Variants in DIAPH2 observed in about 807,000 individuals in gnomAD.
The protein encoded by DIAPH2 is diaphanous related formin 2.
Under a neutral mutation model 92.7 loss-of-function variants are expected in DIAPH2, and 35 were observed. That is an observed-to-expected ratio of 0.38 (90% CI 0.29 to 0.50). DIAPH2 has a LOEUF of 0.50. Ranked by LOEUF, DIAPH2 falls within the 20% of genes least tolerant of loss-of-function variation. DIAPH2 has a pLI of 0.94. For missense variants in DIAPH2, 701 were observed against 819.5 expected (o/e 0.86, Z 1.77); for synonymous variants, 301 against 280.4 (o/e 1.07, Z -0.73).
chrX:96,708,665 T>C (rs2063900888), intron 1 of DIAPH2, among the ~76,000 whole-genome samples: 2 of 112,695 alleles, frequency 1.8e-5, no homozygotes, highest in Admixed American at 1.9e-4. Context: ...ATGTACTTTA[T>C]TGTGATTTAA....
At chrX:97,236,575 C>T (rs187415031) in intron 22 of DIAPH2, among the ~76,000 whole-genome samples, 2,199 of 90,722 alleles carry the variant, frequency 0.024, 27 homozygotes, top group Middle Eastern at 0.068. Flanking sequence ...GATGGAGTCT[C>T]GCTCTATCGC....
chrX:96,848,482 T>A (rs904263105), intron 4 of DIAPH2, among the ~76,000 whole-genome samples: 3 of 112,613 alleles, frequency 2.7e-5, no homozygotes, highest in African/African-American at 9.7e-5. Flanking sequence ...CAACCAATAC[T>A]CTTTTGTTTG....
intron 4 of DIAPH2, among the ~76,000 whole-genome samples, chrX:96,771,976 G>A (rs2064342016): frequency 9.0e-6 from 1 of 110,798 alleles, no homozygotes; most frequent in Non-Finnish European, 1.9e-5. Flanking sequence ...AGTCAAGGCT[G>A]CAGTGAGCCG....
intron 3 of DIAPH2, among the ~76,000 whole-genome samples, chrX:96,743,174 A>G (rs1157243902): frequency 8.9e-6 from 1 of 111,913 alleles, no homozygotes; most frequent in Admixed American, 9.5e-5. Context: ...ATTTTCTCAA[A>G]TGGGAATTTT....
intron 22 of DIAPH2, among the ~76,000 whole-genome samples, chrX:97,145,720 G>C (rs992878637): frequency 4.5e-5 from 5 of 110,351 alleles, no homozygotes; most frequent in African/African-American, 1.6e-4. Context: ...ATTTTGACTA[G>C]TTATTTTTCT....
intron 24 of DIAPH2, among the ~76,000 whole-genome samples, chrX:97,365,968 G>A (rs2069376993): frequency 9.0e-6 from 1 of 111,452 alleles, no homozygotes; most frequent in Non-Finnish European, 1.9e-5. Flanking sequence ...CCAAAGTGCT[G>A]GTGTGAGCCA....
intron 13 of DIAPH2, among the ~76,000 whole-genome samples, chrX:96,943,264 T>C (rs2065717414): frequency 9.0e-6 from 1 of 111,590 alleles, no homozygotes; most frequent in African/African-American, 3.2e-5. Flanking sequence ...TTTCTTTTTG[T>C]GCGTTCATAA....
At chrX:97,248,558 A>G (rs1289830639) in intron 23 of DIAPH2, among the ~76,000 whole-genome samples, 1 of 111,617 alleles carries the variant, frequency 9.0e-6, no homozygotes, top group Non-Finnish European at 1.9e-5. Flanking sequence ...TGATTTTTTT[A>G]TAATTTTCTA....
intron 7 of DIAPH2, among the ~76,000 whole-genome samples, chrX:96,915,430 T>G (rs976270498): frequency 9.1e-6 from 1 of 109,531 alleles, no homozygotes; most frequent in Non-Finnish European, 1.9e-5. Context: ...TTTGGTCTTA[T>G]CTCCATATAT....
At chrX:97,323,917 A>T (rs1003097512) in intron 23 of DIAPH2, among the ~76,000 whole-genome samples, 1 of 109,436 alleles carries the variant, frequency 9.1e-6, no homozygotes, top group African/African-American at 3.3e-5. Flanking sequence ...AAAAAAAAAA[A>T]AAAAAAAATA....
At chrX:97,091,620 AT>A (rs764296590) in intron 19 of DIAPH2, among the ~76,000 whole-genome samples, 5 of 110,207 alleles carry the variant, frequency 4.5e-5, no homozygotes, top group South Asian at 3.9e-4. Context: ...TTCTCTAATT[AT>A]TTTTTTTCAC....
At chrX:97,555,235 G>T in intron 26 of DIAPH2, among the ~76,000 whole-genome samples, 1 of 112,127 alleles carries the variant, frequency 8.9e-6, no homozygotes, top group Non-Finnish European at 1.9e-5. Flanking sequence ...ATCACTGGAA[G>T]AAAGAAAGAA....
At chrX:96,923,141 A>G (rs769629991) in intron 9 of DIAPH2, among the ~76,000 whole-genome samples, 2 of 112,152 alleles carry the variant, frequency 1.8e-5, no homozygotes, top group Non-Finnish European at 3.8e-5. Flanking sequence ...TTAAAATACA[A>G]TGATGTACTA....
chrX:97,129,127 T>TTTTCTTTTCTTTTCTTTTCTTTTC, intron 21 of DIAPH2, among the ~76,000 whole-genome samples: 1 of 80,533 alleles, frequency 1.2e-5, no homozygotes, highest in South Asian at 5.6e-4. Context: ...TTTTCTTTTC[T>TTTTCTTTTCTTTTCTTTTCTTTTC]TTTCTTTTCT....
intron 26 of DIAPH2, among the ~76,000 whole-genome samples, chrX:97,536,819 T>A (rs936672875): frequency 2.2e-4 from 24 of 111,455 alleles, no homozygotes; most frequent in African/African-American, 7.1e-4. Context: ...ATAAAAATTA[T>A]ACGAAATTGT....
At chrX:97,090,435 C>G (rs2066817085) in intron 19 of DIAPH2, among the ~76,000 whole-genome samples, 1 of 108,059 alleles carries the variant, frequency 9.3e-6, no homozygotes, top group South Asian at 4.1e-4. Flanking sequence ...CCAGGTGCCC[C>G]AGGGCTCACC....
chrX:97,169,633 G>A (rs6523077), intron 22 of DIAPH2, among the ~76,000 whole-genome samples: 44,616 of 110,615 alleles, frequency 0.4, 6,559 homozygotes, highest in East Asian at 0.62. Flanking sequence ...GAGAGCCAAG[G>A]TAGGCAAATT....
chrX:96,824,435 C>T (rs1290045963), intron 4 of DIAPH2, among the ~76,000 whole-genome samples: 2 of 109,540 alleles, frequency 1.8e-5, no homozygotes, highest in African/African-American at 6.6e-5. Context: ...GTCTGCTCTT[C>T]GTATTACAAG....
chrX:96,927,273 T>C (rs1330987808), intron 9 of DIAPH2, among the ~76,000 whole-genome samples: 4 of 95,358 alleles, frequency 4.2e-5, no homozygotes, highest in Admixed American at 3.4e-4. Context: ...TTTCTGTCTC[T>C]GGAGTTGAAT....
Sources: gnomAD v4.1 joint callset for allele counts (sites outside exome capture counted in the v4.1 genomes callset) on GRCh38, gnomAD v4.1.1 for gene constraint, MANE v1.5 for transcripts, NCBI Gene and HGNC (gene_info 2026-07-23, HGNC 2026-07-21) for gene names.